CNTN4: variants seen among roughly 807,000 people sequenced by gnomAD.
CNTN4 encodes contactin-4.
Under a neutral mutation model 122.5 loss-of-function variants are expected in CNTN4, and 77 were observed. The observed-to-expected ratio is 0.63, with a 90% CI of 0.52 to 0.76. The LOEUF (loss-of-function observed/expected upper bound fraction) is 0.76, where lower values mean the gene tolerates loss of function less well. Ranked by LOEUF, CNTN4 falls within the 30% of genes least tolerant of loss-of-function variation. The pLI, the probability that CNTN4 is intolerant of heterozygous loss-of-function variation, is 0.00. For synonymous variants in CNTN4, 512 were observed against 447.0 expected, an observed-to-expected ratio of 1.15 and a Z score of -1.83; for missense variants, 1,256 against 1,259.1, an observed-to-expected ratio of 1.00 and a Z score of 0.04.
chr3:2,186,177 A>G (rs908332811), intron 2 of CNTN4, among the ~76,000 whole-genome samples: 4 of 149,082 alleles, frequency 2.7e-5, no homozygotes, highest in South Asian at 2.1e-4. Flanking sequence ...GAGAACATGC[A>G]GTGTTTGGTT....
chr3:2,448,771 C>A (rs1224602976), intron 3 of CNTN4, among the ~76,000 whole-genome samples: 2 of 152,144 alleles, frequency 1.3e-5, no homozygotes, highest in Non-Finnish European at 2.9e-5. Flanking sequence ...CCCTGGTTGT[C>A]CAGCAGCCCA....
intron 4 of CNTN4, among the ~76,000 whole-genome samples, chr3:2,680,430 C>T (rs547584874): frequency 2.0e-4 from 30 of 152,148 alleles, no homozygotes; most frequent in Non-Finnish European, 4.4e-5. Context: ...AGTCCTGGCT[C>T]GGATACAGTG....
chr3:2,160,829 C>T (rs985638610), intron 2 of CNTN4, among the ~76,000 whole-genome samples: 4 of 152,098 alleles, frequency 2.6e-5, no homozygotes, highest in Non-Finnish European at 5.9e-5. Context: ...ACATTTGGTC[C>T]ATAAATTCAA....
At chr3:2,932,804 A>T (rs1345607403) in intron 13 of CNTN4, among the ~76,000 whole-genome samples, 1 of 85,946 alleles carries the variant, frequency 1.2e-5, no homozygotes, top group Non-Finnish European at 2.3e-5. Context: ...TACAGTCTTT[A>T]TTTATTTATT....
intron 6 of CNTN4, among the ~76,000 whole-genome samples, chr3:2,800,114 A>C (rs907569328): frequency 2.4e-4 from 31 of 127,178 alleles, no homozygotes; most frequent in African/African-American, 8.7e-4. Flanking sequence ...TGCTTTGGCT[A>C]TTCAGGTTCC....
rs1559567208 is a variant in CNTN4, at chr3:2,841,746, C to CA, written c.454+22166dup. On this transcript the variant is annotated intron_variant, in intron 7 of 24. Coordinates refer to ENST00000418658, the MANE Select transcript of CNTN4 (RefSeq NM_175607.3). The surrounding 1 kb of genome is among the most constrained non-coding windows in gnomAD (Gnocchi z 4.8). ...GAAGTTATTAAAAATATGTTTCACTCATGATAACATGATCATTTTCAGGAA... is the reference window on the plus strand; with the variant it reads ...GAAGTTATTAAAAATATGTTTCACTCAATGATAACATGATCATTTTCAGGAA... 6.6e-6 allele frequency among the ~76,000 whole-genome samples: 1 copy of CA among 152,238 alleles called. No individual in the cohort carries two copies. Among genetic ancestry groups the CA allele is most frequent in the East Asian group, 1.9e-4 (1 of 5,176 alleles).
intron 6 of CNTN4, among the ~76,000 whole-genome samples, chr3:2,798,858 G>A (rs542066815): frequency 2.0e-5 from 3 of 152,014 alleles, no homozygotes; most frequent in African/African-American, 7.2e-5. Context: ...TTATATACCC[G>A]GTAGTGGGAT....
intron 2 of CNTN4, among the ~76,000 whole-genome samples, chr3:2,120,643 T>TC (rs2033710309): frequency 6.6e-6 from 1 of 151,664 alleles, no homozygotes. Context: ...CCTTAGGTGA[T>TC]CTGCCTGTGT....
chr3:2,837,293 A>T (rs1178804656), intron 7 of CNTN4, among the ~76,000 whole-genome samples: 1 of 152,176 alleles, frequency 6.6e-6, no homozygotes, highest in Admixed American at 6.5e-5. Context: ...GTCTCCTGCA[A>T]ACCACGTAGT....
chr3:2,853,900 G>T (rs2093587961), intron 7 of CNTN4, among the ~76,000 whole-genome samples: 1 of 152,176 alleles, frequency 6.6e-6, no homozygotes, highest in African/African-American at 2.4e-5. Context: ...GCTGGCCTTG[G>T]GGGAATGATG....
chr3:2,374,255 C>T (rs1170440104), intron 3 of CNTN4, among the ~76,000 whole-genome samples: 1 of 152,084 alleles, frequency 6.6e-6, no homozygotes, highest in Non-Finnish European at 1.5e-5. Context: ...TCCCTGGATC[C>T]CAGACAGAGT....
rs146272281 is a variant in CNTN4 at position 2,191,421 on chromosome 3, C to T, written c.-145+90782C>T. ...GCTGGAGAAAGGTGGGAGCACACCC[C>T]GTAGTAGACAATTTAAAAGCCATTC... On this transcript the variant is annotated intron_variant, in intron 2 of 24. Coordinates refer to ENST00000418658, the MANE Select transcript of CNTN4 (RefSeq NM_175607.3). Among the ~76,000 whole-genome samples, 75 of 152,118 alleles carry T rather than the reference C, an allele frequency of 4.9e-4. 2 individuals are homozygous for T. The East Asian group carries it at 0.013, about 26-fold the overall frequency.
At chr3:2,275,546 AATTATAT>A (rs530236128) in intron 2 of CNTN4, among the ~76,000 whole-genome samples, 152 of 152,298 alleles carry the variant, frequency 1.0e-3, no homozygotes, top group African/African-American at 3.4e-3. Flanking sequence ...TGAAATTCAC[AATTATAT>A]ATTATATACA....
chr3:2,456,680 T>C (rs1166429508), intron 3 of CNTN4, among the ~76,000 whole-genome samples: 1 of 152,158 alleles, frequency 6.6e-6, no homozygotes, highest in African/African-American at 2.4e-5. Flanking sequence ...CTCATCCACA[T>C]CGTAGCACCT....
intron 22 of CNTN4, 129 bp downstream of exon 22, chr3:3,043,292 C>A: frequency 1.1e-6 from 1 of 943,484 alleles, no homozygotes. Context: ...TTTCCCTCAG[C>A]ATTTTAACTG....
chr3:2,603,020 T>A lies in CNTN4; in HGVS notation c.55+31462T>A, dbSNP rs574030043. Among the ~76,000 whole-genome samples, 129 of 152,264 alleles carry A rather than the reference T, an allele frequency of 8.5e-4. 1 individual carries two copies. The highest frequency in any genetic ancestry group is 3.0e-3 in the African/African-American group (123 of 41,558). On this transcript the variant is annotated intron_variant, in intron 4 of 24. Transcript: ENST00000418658. ...TAGTAAATACAATTATGAGAGGAAA[T>A]GTTTTCTTCACTTACTTGACTGTAA...
At position 3,053,928 on chromosome 3, in the gene CNTN4, G is replaced by A. The variant is rs772514555; in HGVS notation, c.2933G>A (p.Gly978Glu). The change falls in exon 24 of 25, where the codon GGA becomes GAA. Residue 978 changes from glycine (G) to glutamate (E), a missense_variant. By Grantham distance (98) the Gly-to-Glu change is moderately conservative (BLOSUM62 -2). Coordinates refer to ENST00000418658, the MANE Select transcript of CNTN4 (RefSeq NM_175607.3). ...ATAGAAATTAAGCCATTCAGCGACG[G>A]AGGAGATGGCAGCAGCAGTGAACAA... is the stretch of plus-strand genomic sequence containing the variant. ...YIIEIKPFSD[G>E]GDGSSSEQIR... 1 of 1,614,158 alleles carries A rather than the reference G, an allele frequency of 6.2e-7. No individual in the cohort carries two copies. Among genetic ancestry groups the A allele is most frequent in the Non-Finnish European group, 8.5e-7 (1 of 1,180,006 alleles).
intron 3 of CNTN4, among the ~76,000 whole-genome samples, chr3:2,557,666 T>G (rs942895907): frequency 6.6e-6 from 1 of 151,738 alleles, no homozygotes; most frequent in Non-Finnish European, 1.5e-5. Flanking sequence ...GAGGCGGAGC[T>G]TGCAGTGAGC....
intron 2 of CNTN4, among the ~76,000 whole-genome samples, chr3:2,334,907 C>T (rs188194681): frequency 5.8e-4 from 89 of 152,202 alleles, no homozygotes; most frequent in African/African-American, 2.1e-3. Context: ...AATAAATAAC[C>T]GACACACCTT....
Sources: allele counts gnomAD v4.1 joint callset (sites outside exome capture counted in the v4.1 genomes callset), GRCh38; gene constraint gnomAD v4.1.1; non-coding constraint Gnocchi (gnomAD v3.1); transcripts MANE v1.5; gene names NCBI Gene and HGNC (gene_info 2026-07-23, HGNC 2026-07-21).